The following LAMC1 variants were observed in gnomAD, a reference collection of about 807,000 sequenced individuals.
LAMC1 encodes the protein laminin subunit gamma 1.
Under a neutral mutation model 173.6 loss-of-function variants are expected in LAMC1, and 38 were observed. That is an observed-to-expected ratio of 0.22 (90% CI 0.17 to 0.29). LAMC1 has a LOEUF of 0.29. Ranked by LOEUF, LAMC1 falls within the 10% of genes least tolerant of loss-of-function variation. LAMC1 has a pLI of 1.00. For missense variants in LAMC1, 1,824 were observed against 2,051.8 expected, an observed-to-expected ratio of 0.89 and a Z score of 2.14; for synonymous variants, 746 against 749.1, an observed-to-expected ratio of 1.00 and a Z score of 0.07.
chr1:183,034,461 C>T (rs890535164), intron 1 of LAMC1, among the ~76,000 whole-genome samples: 2 of 152,022 alleles, frequency 1.3e-5, no homozygotes, highest in African/African-American at 2.4e-5. Context: ...TTAGTAGAGT[C>T]GGGGTTTTAC....
chr1:183,123,314 T>C lies in LAMC1; in HGVS notation c.2401+1063T>C, dbSNP rs1289434653. Among the ~76,000 whole-genome samples, 5 of 152,222 alleles carry C rather than the reference T, an allele frequency of 3.3e-5. No individual in the cohort carries two copies. In the East Asian group the frequency reaches 9.6e-4, roughly 29 times the overall value. ...ACCTCTGTTATCTCTCACCTGGGAT[T>C]GCCTAATTGTTCTCCCTGCCTCACC... On this transcript the variant is annotated intron_variant, in intron 13 of 27. Coordinates refer to ENST00000258341, the MANE Select transcript of LAMC1 (RefSeq NM_002293.4).
intron 1 of LAMC1, among the ~76,000 whole-genome samples, chr1:183,032,810 T>G (rs1273628547): frequency 6.6e-6 from 1 of 152,182 alleles, no homozygotes; most frequent in Non-Finnish European, 1.5e-5. Flanking sequence ...CTAACCAGAA[T>G]GATTGTTTGT....
At chr1:183,095,892 ATTGT>A (rs986312848) in intron 1 of LAMC1, among the ~76,000 whole-genome samples, 13 of 152,152 alleles carry the variant, frequency 8.5e-5, no homozygotes, top group African/African-American at 2.2e-4. Flanking sequence ...GATAATGGAA[ATTGT>A]TTGTACCCTC....
chr1:183,103,220 T>C, intron 1 of LAMC1, 108 bp from the exon 2 acceptor site: 1 of 1,059,804 alleles, frequency 9.4e-7, no homozygotes, highest in Non-Finnish European at 1.4e-6. Context: ...GTTTGATGTG[T>C]ACAAGGAGAT....
At chr1:183,041,168 A>G (rs1654121509) in intron 1 of LAMC1, among the ~76,000 whole-genome samples, 1 of 152,208 alleles carries the variant, frequency 6.6e-6, no homozygotes, top group African/African-American at 2.4e-5. Context: ...GGTGATGCAA[A>G]TGCTACAGAA....
chr1:183,132,440 A>G lies in LAMC1; in HGVS notation c.3607A>G (p.Thr1203Ala). 1 of 1,613,720 alleles carries G rather than the reference A, an allele frequency of 6.2e-7. No individual in the cohort carries two copies. The highest frequency in any genetic ancestry group is 1.6e-4 in the Middle Eastern group (1 of 6,062). ...TGATGACATTGTTCGAGTGGCAAAG[A>G]CAGCCAATGATACGTCAACTGAGGC... ...EADDIVRVAK[T>A]ANDTSTEAYN... Residue 1203 changes from threonine (T) to alanine (A), a missense_variant, in exon 21 of 28, where the codon ACA becomes GCA. By Grantham distance (58) the Thr-to-Ala change is moderately conservative. Coordinates refer to ENST00000258341, the MANE Select transcript of LAMC1 (RefSeq NM_002293.4).
At position 183,126,262 on chromosome 1, in the gene LAMC1, C is replaced by G; in HGVS notation, c.2944C>G (p.Pro982Ala). 6.2e-7 allele frequency: 1 copy of G among 1,613,230 alleles called. No homozygotes were observed. The highest frequency in any genetic ancestry group is 8.5e-7 in the Non-Finnish European group (1 of 1,179,708). Residue 982 changes from proline to alanine, a missense_variant and splice_region_variant, in exon 16 of 28, where the codon CCC becomes GCC. By Grantham distance (27) the Pro-to-Ala change is conservative (BLOSUM62 -1). Coordinates refer to ENST00000258341, the MANE Select transcript of LAMC1 (RefSeq NM_002293.4). ...TGGGTTTGGACCTGAAGGCTGCAAA[C>G]GTAAGGGGTGTTGGTGGCATACAAC... ...HFGFGPEGCK[P>A]CDCHPEGSLS...
At chr1:183,129,082 CTT>C (rs201079710) in intron 18 of LAMC1, among the ~76,000 whole-genome samples, 1,565 of 109,808 alleles carry the variant, frequency 0.014, 1 homozygote, top group African/African-American at 0.054. Flanking sequence ...TCTTCATAAG[CTT>C]TTTTTTTTTT....
At chr1:183,119,741 AG>A (rs67122582) in intron 11 of LAMC1, among the ~76,000 whole-genome samples, 15,891 of 152,172 alleles carry the variant, frequency 0.1, 1,022 homozygotes, top group Admixed American at 0.2. Context: ...CTGAAAAAAA[AG>A]TAAAATAAAT....
chr1:183,037,494 C>G (rs1479082162), intron 1 of LAMC1, among the ~76,000 whole-genome samples: 1 of 152,220 alleles, frequency 6.6e-6, no homozygotes, highest in Non-Finnish European at 1.5e-5. Context: ...CTGAATAGGT[C>G]TAACCCACCT....
intron 1 of LAMC1, among the ~76,000 whole-genome samples, chr1:183,077,052 G>A (rs1655134801): frequency 6.6e-6 from 1 of 152,228 alleles, no homozygotes; most frequent in Non-Finnish European, 1.5e-5. Context: ...TTTGGTAACT[G>A]ATGTAATTAA....
chr1:183,035,861 T>A (rs1050781659), intron 1 of LAMC1, among the ~76,000 whole-genome samples: 1 of 152,230 alleles, frequency 6.6e-6, no homozygotes, highest in Non-Finnish European at 1.5e-5. Context: ...CCCCTGTGAT[T>A]GTTACTGCTT....
rs57729826 is a variant in LAMC1, at chr1:183,132,292, A to AAATAAT, written c.3567-84_3567-79dup. 1,804 of 677,334 alleles carry AAATAAT rather than the reference A, an allele frequency of 2.7e-3. 34 individuals carry two copies. The African/African-American group carries it at 0.033, about 12-fold the overall frequency. 42.0% of individuals were successfully genotyped at this position (677,334 alleles called of 1,614,324 possible). A position where few individuals can be genotyped will look rare whatever the true frequency, so the allele number is the denominator to read the frequency against. On this transcript the variant is annotated intron_variant, in intron 20 of 27. Transcript: ENST00000258341. ...GGGTGACAGAGCGAGACTCCATTTC[A>AAATAAT]AATAATAATAATAATAATAATAATA...
rs1241598665 is a variant in LAMC1 at position 183,114,530 on chromosome 1, G to A, written c.1022-1G>A. ...TGTAACTCGTGTGTTTTGACTGACAGCCTGTGATTGCAATGGTCGATCCCA... is the reference window on the plus strand; with the variant it reads ...TGTAACTCGTGTGTTTTGACTGACAACCTGTGATTGCAATGGTCGATCCCA... On this transcript the variant is annotated splice_acceptor_variant, in intron 4 of 27. Coordinates refer to ENST00000258341, the MANE Select transcript of LAMC1 (RefSeq NM_002293.4). LOFTEE classifies it high-confidence loss of function. 6.2e-7 allele frequency: 1 copy of A among 1,614,050 alleles called. No individual in the cohort carries two copies. The highest frequency in any genetic ancestry group is 8.5e-7 in the Non-Finnish European group (1 of 1,180,016).
Position 183,143,021 on chromosome 1 carries a change from C to G in LAMC1, c.*231C>G. On this transcript the variant is annotated 3_prime_UTR_variant, in exon 28 of 28. Coordinates refer to ENST00000258341, the MANE Select transcript of LAMC1 (RefSeq NM_002293.4). ...AGTGTCTCTTCCATTCACGTTGCTACCTTACCCACACTTTCCCTTCTGATT... is the reference window on the plus strand; with the variant it reads ...AGTGTCTCTTCCATTCACGTTGCTAGCTTACCCACACTTTCCCTTCTGATT... 2.1e-6 allele frequency: 1 copy of G among 472,308 alleles called. No homozygotes were observed. The highest frequency in any genetic ancestry group is 3.8e-5 in the East Asian group (1 of 26,012). The allele number at this position is 472,308 out of a possible 1,614,324, so 29.3% of individuals were successfully genotyped here.
At chr1:183,068,331 G>A (rs1470574703) in intron 1 of LAMC1, among the ~76,000 whole-genome samples, 1 of 152,038 alleles carries the variant, frequency 6.6e-6, no homozygotes, top group Non-Finnish European at 1.5e-5. Flanking sequence ...CAAGTGCATA[G>A]GATATTACAG....
rs1221409301 is a variant in LAMC1 at position 183,029,243 on chromosome 1, G to A, written c.418+5109G>A. ...CTTACCTTCTATATCCAGACACTATGTGTCTTGAATGCTTATCTTTCTCTC... is the reference window on the plus strand; with the variant it reads ...CTTACCTTCTATATCCAGACACTATATGTCTTGAATGCTTATCTTTCTCTC... On this transcript the variant is annotated intron_variant, in intron 1 of 27. Transcript: ENST00000258341. Among the ~76,000 whole-genome samples, 3 of 152,150 alleles carry A rather than the reference G, an allele frequency of 2.0e-5. No homozygotes were observed. The East Asian group carries it at 5.8e-4, about 29-fold the overall frequency.
chr1:183,050,657 T>C (rs1260473909), intron 1 of LAMC1, among the ~76,000 whole-genome samples: 11 of 146,088 alleles, frequency 7.5e-5, no homozygotes, highest in African/African-American at 2.2e-4. Flanking sequence ...TTTGGGAGGC[T>C]GAGGCTGGTG....
chr1:183,071,700 A>G (rs925375600), intron 1 of LAMC1, among the ~76,000 whole-genome samples: 8 of 152,132 alleles, frequency 5.3e-5, no homozygotes, highest in African/African-American at 1.7e-4. Flanking sequence ...TTAATGCCGT[A>G]TTTTCCCCAT....
Sources: gnomAD v4.1 joint callset for allele counts (sites outside exome capture counted in the v4.1 genomes callset) on GRCh38, gnomAD v4.1.1 for gene constraint, MANE v1.5 for transcripts, NCBI Gene and HGNC (gene_info 2026-07-23, HGNC 2026-07-21) for gene names.